Variants in MDFIC2 observed in about 807,000 individuals in gnomAD.
MDFIC2 encodes myoD family inhibitor domain-containing protein 2.
intron 2 of MDFIC2, chr3:70,291,175 C>G (rs1702235478): frequency 6.6e-6 from 1 of 152,148 alleles, no homozygotes; most frequent in Non-Finnish European, 1.5e-5. Flanking sequence ...TGTTTAACAT[C>G]CAGGGCCCTG....
chr3:70,280,088 C>G (rs1702065782), intron 2 of MDFIC2, among the ~76,000 whole-genome samples: 1 of 152,152 alleles, frequency 6.6e-6, no homozygotes, highest in East Asian at 1.9e-4. Flanking sequence ...CCTCTGGAGC[C>G]TCTGGCAGAT....
chr3:70,303,174 T>C (rs1702366549), intron 2 of MDFIC2, among the ~76,000 whole-genome samples: 1 of 152,168 alleles, frequency 6.6e-6, no homozygotes, highest in Non-Finnish European at 1.5e-5. Context: ...GGGTCATTGC[T>C]ACTGGCTCTT....
intron 3 of MDFIC2, among the ~76,000 whole-genome samples, chr3:70,201,551 A>G (rs951705351): frequency 2.0e-5 from 3 of 152,160 alleles, no homozygotes; most frequent in Non-Finnish European, 4.4e-5. Context: ...GTTGAGTACT[A>G]TTATGATCCC....
chr3:70,232,066 A>G (rs1179850047), intron 2 of MDFIC2, among the ~76,000 whole-genome samples: 1 of 152,204 alleles, frequency 6.6e-6, no homozygotes, highest in Admixed American at 6.5e-5. Flanking sequence ...TTATTCTGAC[A>G]TAATGAACTG....
chr3:70,227,814 C>G (rs1441833683), intron 2 of MDFIC2, among the ~76,000 whole-genome samples: 2 of 152,070 alleles, frequency 1.3e-5, no homozygotes, highest in South Asian at 2.1e-4. Context: ...AAAGGTAATA[C>G]AAACTGTGAA....
rs142806170 is a variant in MDFIC2 at position 70,272,924 on chromosome 3, G to A, written c.88+38962C>T. ...GGAGACAGCTAGCAACTAACATTCT[G>A]CAAAAACCCTGAGGAGTCATTTACA... On this transcript the variant is annotated intron_variant, in intron 2 of 3. Transcript: ENST00000567252. Among the ~76,000 whole-genome samples the A allele has an allele frequency of 3.8e-3, 576 of 152,258 alleles. 1 individual carries two copies. The highest frequency in any genetic ancestry group is 0.027 in the Middle Eastern group (8 of 294).
At chr3:70,221,466 G>A (rs1701459571) in intron 2 of MDFIC2, among the ~76,000 whole-genome samples, 1 of 152,182 alleles carries the variant, frequency 6.6e-6, no homozygotes, top group African/African-American at 2.4e-5. Context: ...TGGGCATTTG[G>A]ATTCTACAGC....
At chr3:70,258,173 C>G (rs1701834275) in intron 2 of MDFIC2, among the ~76,000 whole-genome samples, 2 of 152,056 alleles carry the variant, frequency 1.3e-5, no homozygotes, top group Admixed American at 1.3e-4. Context: ...AAGGCAAAAA[C>G]TATCATGTTC....
chr3:70,198,907 A>G (rs926825028), intron 3 of MDFIC2, among the ~76,000 whole-genome samples: 14 of 152,160 alleles, frequency 9.2e-5, no homozygotes, highest in Admixed American at 1.3e-4. Context: ...TAGTATATAG[A>G]CTGTTTCAAC....
chr3:70,200,628 A>G (rs1187190865), intron 3 of MDFIC2, among the ~76,000 whole-genome samples: 2 of 152,144 alleles, frequency 1.3e-5, no homozygotes, highest in Non-Finnish European at 2.9e-5. Flanking sequence ...TCTTCATAGC[A>G]CTGACCATAC....
chr3:70,200,360 C>A (rs1701225830), intron 3 of MDFIC2, among the ~76,000 whole-genome samples: 2 of 152,188 alleles, frequency 1.3e-5, no homozygotes, highest in Non-Finnish European at 2.9e-5. Context: ...GATTGGATTC[C>A]TGCCTATTTC....
intron 2 of MDFIC2, among the ~76,000 whole-genome samples, chr3:70,236,679 T>A (rs1367744300): frequency 6.6e-6 from 1 of 152,114 alleles, no homozygotes; most frequent in South Asian, 2.1e-4. Context: ...CGCTGCAGTC[T>A]CAACCTCCCA....
chr3:70,211,178 T>A (rs1461404535), intron 2 of MDFIC2, among the ~76,000 whole-genome samples: 3 of 151,948 alleles, frequency 2.0e-5, no homozygotes, highest in African/African-American at 7.3e-5. Flanking sequence ...TTCCTTTCCC[T>A]TCTTTTTTCT....
intron 2 of MDFIC2, among the ~76,000 whole-genome samples, chr3:70,224,302 T>A (rs958711037): frequency 3.3e-5 from 5 of 152,206 alleles, no homozygotes; most frequent in African/African-American, 1.2e-4. Flanking sequence ...ACTGCAATGG[T>A]GGATAAATCC....
intron 2 of MDFIC2, chr3:70,271,680 GA>G: frequency 6.6e-6 from 1 of 152,310 alleles, no homozygotes; most frequent in Admixed American, 6.5e-5. Flanking sequence ...GGGCACAGCA[GA>G]GCCTTGAATC....
At chr3:70,221,816 C>T (rs1701462912) in intron 2 of MDFIC2, among the ~76,000 whole-genome samples, 1 of 151,980 alleles carries the variant, frequency 6.6e-6, no homozygotes, top group Non-Finnish European at 1.5e-5. Flanking sequence ...ATTTACAGGA[C>T]ATTGCTAAAT....
chr3:70,213,485 T>C (rs535846667), intron 2 of MDFIC2, among the ~76,000 whole-genome samples: 1 of 152,270 alleles, frequency 6.6e-6, no homozygotes, highest in South Asian at 2.1e-4. Context: ...CCCTTGGATT[T>C]AAACTATACT....
intron 2 of MDFIC2, among the ~76,000 whole-genome samples, chr3:70,278,904 T>G (rs1184011111): frequency 6.6e-6 from 1 of 151,750 alleles, no homozygotes; most frequent in Admixed American, 6.6e-5. Context: ...GAGCTAGTGT[T>G]TGACATGTAT....
intron 2 of MDFIC2, among the ~76,000 whole-genome samples, chr3:70,266,626 A>G (rs1281142194): frequency 1.3e-5 from 2 of 151,998 alleles, no homozygotes; most frequent in Non-Finnish European, 2.9e-5. Context: ...TTTTTATTTC[A>G]GTGAAGACAG....
Sources: allele counts gnomAD v4.1 joint callset (sites outside exome capture counted in the v4.1 genomes callset), GRCh38; gene constraint gnomAD v4.1.1; transcripts MANE v1.5; gene names NCBI Gene and HGNC (gene_info 2026-07-23, HGNC 2026-07-21).